APP: variants seen among roughly 807,000 people sequenced by gnomAD.
The protein encoded by APP is amyloid beta precursor protein.
Under a neutral mutation model 101.4 loss-of-function variants are expected in APP, and 31 were observed. The ratio of observed to expected loss-of-function variants is 0.31; its 90% confidence interval spans 0.23 to 0.41. The LOEUF (loss-of-function observed/expected upper bound fraction) is 0.41, where lower values mean the gene tolerates loss of function less well. APP is among the 10% of genes least tolerant of loss of function. The probability of loss-of-function intolerance (pLI) is 1.00; values close to 1 mark genes in which losing one functional copy is unlikely to be tolerated. For synonymous variants in APP, 366 were observed against 364.4 expected, an observed-to-expected ratio of 1.00 and a Z score of -0.05; for missense variants, 839 against 1,003.7, an observed-to-expected ratio of 0.84 and a Z score of 2.22.
At chr21:25,953,222 A>G (rs2041169437) in intron 13 of APP, among the ~76,000 whole-genome samples, 2 of 152,226 alleles carry the variant, frequency 1.3e-5, no homozygotes, top group South Asian at 4.1e-4. Context: ...CCTCCCTGAC[A>G]TATGAAGTTT....
intron 3 of APP, among the ~76,000 whole-genome samples, chr21:26,080,392 A>ATT (rs996734735): frequency 3.4e-4 from 51 of 152,040 alleles, no homozygotes; most frequent in African/African-American, 1.2e-3. Flanking sequence ...GATTCTGCTC[A>ATT]TTTTTTAAGT....
At chr21:25,888,221 G>A (rs904556754) in intron 17 of APP, among the ~76,000 whole-genome samples, 6 of 152,188 alleles carry the variant, frequency 3.9e-5, no homozygotes, top group Admixed American at 3.3e-4. Context: ...GTATTTCCAT[G>A]TACTTGAGGG....
intron 13 of APP, among the ~76,000 whole-genome samples, chr21:25,953,263 T>C (rs2041170914): frequency 6.6e-6 from 1 of 152,196 alleles, no homozygotes; most frequent in Non-Finnish European, 1.5e-5. Flanking sequence ...CAAAGTATAA[T>C]TTCAGATTCC....
chr21:26,149,384 G>A (rs1422885201), intron 1 of APP, among the ~76,000 whole-genome samples: 1 of 152,204 alleles, frequency 6.6e-6, no homozygotes, highest in Non-Finnish European at 1.5e-5. Flanking sequence ...AACAAGGCCT[G>A]GTTCATAGAA....
At chr21:26,073,069 A>G (rs1157532793) in intron 3 of APP, among the ~76,000 whole-genome samples, 1 of 152,210 alleles carries the variant, frequency 6.6e-6, no homozygotes, top group East Asian at 1.9e-4. Flanking sequence ...TGGCCTGGAC[A>G]TAATGACTCA....
intron 17 of APP, among the ~76,000 whole-genome samples, chr21:25,890,760 AAATCT>A (rs2037641766): frequency 6.7e-6 from 1 of 148,234 alleles, no homozygotes; most frequent in Non-Finnish European, 1.5e-5. Context: ...ATATGAGGGG[AAATCT>A]GGACTCTGAG....
Position 26,112,155 on chromosome 21 carries a change from A to G in APP, c.58-9T>C, listed in dbSNP as rs988999274. The stretch of plus-strand genomic sequence containing the variant: ...TTACCATCAGTGGGTACCTGAAAGA[A>G]GAAGCTTCAGTTAGTTATAGTATCC... On this transcript the variant is annotated splice_polypyrimidine_tract_variant and intron_variant, in intron 1 of 17. Coordinates refer to ENST00000346798, the MANE Select transcript of APP (RefSeq NM_000484.4). The G allele has an allele frequency of 6.2e-7, 1 of 1,613,666 alleles. No individual in the cohort carries two copies. The highest frequency in any genetic ancestry group is 8.5e-7 in the Non-Finnish European group (1 of 1,179,906).
intron 15 of APP, among the ~76,000 whole-genome samples, chr21:25,900,202 G>A (rs1048958825): frequency 4.0e-5 from 6 of 151,894 alleles, no homozygotes; most frequent in Non-Finnish European, 8.8e-5. Flanking sequence ...TATATAACCA[G>A]TGATTTCTTT....
Position 25,881,754 on chromosome 21 carries a change from G to A in APP, c.2229C>T (p.Thr743=). The A allele has an allele frequency of 6.2e-7, 1 of 1,613,676 alleles. No individual in the cohort carries two copies. The highest frequency in any genetic ancestry group is 8.5e-7 in the Non-Finnish European group (1 of 1,180,024). Residue 743 remains threonine (T), a synonymous_variant, in exon 18 of 18, where the codon ACC becomes ACT. Transcript: ENST00000346798. ...HGVVEVDAAV[T]PEERHLSKMQ... ...TCTTGGACAGGTGGCGCTCCTCTGG[G>A]GTGACAGCGGCGTCAACCTGAAAAA... is the stretch of plus-strand genomic sequence containing the variant.
intron 3 of APP, among the ~76,000 whole-genome samples, chr21:26,080,266 T>C (rs1304365383): frequency 1.3e-5 from 2 of 152,180 alleles, no homozygotes; most frequent in Non-Finnish European, 2.9e-5. Context: ...GTGAATTCCA[T>C]TATCTCTTGG....
At chr21:26,056,949 C>A (rs2046067080) in intron 3 of APP, among the ~76,000 whole-genome samples, 1 of 152,132 alleles carries the variant, frequency 6.6e-6, no homozygotes, top group South Asian at 2.1e-4. Flanking sequence ...TTTTAATAAG[C>A]GTTAAGAGTG....
At chr21:25,972,855 G>T (rs1421356765) in intron 11 of APP, among the ~76,000 whole-genome samples, 1 of 151,214 alleles carries the variant, frequency 6.6e-6, no homozygotes, top group East Asian at 1.9e-4. Context: ...ACTGTTTAAA[G>T]AAAAACATCA....
intron 11 of APP, among the ~76,000 whole-genome samples, chr21:25,958,780 T>C (rs1162337860): frequency 6.6e-6 from 1 of 152,200 alleles, no homozygotes; most frequent in Admixed American, 6.5e-5. Context: ...CTATAAATCA[T>C]CGACCCCTTT....
At chr21:26,027,547 C>T (rs2044634052) in intron 5 of APP, among the ~76,000 whole-genome samples, 2 of 152,084 alleles carry the variant, frequency 1.3e-5, no homozygotes, top group African/African-American at 2.4e-5. Context: ...CTGTTAGAAG[C>T]GAAACACAAG....
intron 8 of APP, among the ~76,000 whole-genome samples, chr21:25,990,449 T>TAAC (rs1665357635): frequency 6.6e-6 from 1 of 152,064 alleles, no homozygotes; most frequent in Admixed American, 6.6e-5. Flanking sequence ...GCAATAGCAA[T>TAAC]AACTGGCGTC....
Position 26,111,939 on chromosome 21 carries a change from G to C in APP, c.225+40C>G, listed in dbSNP as rs781690085. 3 of 1,610,640 alleles carry C rather than the reference G, an allele frequency of 1.9e-6. No individual in the cohort carries two copies. The South Asian group carries it at 3.3e-5, about 18-fold the overall frequency. On this transcript the variant is annotated intron_variant, in intron 2 of 17. Transcript: ENST00000346798. Reference sequence around the variant, plus strand: ...TTAAATTTTTTGAAAACAAATGCATGTGATCCAACGTGAATTGCTAGCCAC... The same window carrying C: ...TTAAATTTTTTGAAAACAAATGCATCTGATCCAACGTGAATTGCTAGCCAC...
At chr21:25,954,284 G>T (rs1934032795) in intron 13 of APP, among the ~76,000 whole-genome samples, 1 of 152,158 alleles carries the variant, frequency 6.6e-6, no homozygotes, top group Non-Finnish European at 1.5e-5. Context: ...ATCATAATTT[G>T]AGAGCCATAA....
intron 6 of APP, among the ~76,000 whole-genome samples, chr21:26,006,218 T>C (rs970884195): frequency 1.3e-5 from 2 of 152,220 alleles, no homozygotes; most frequent in South Asian, 2.1e-4. Context: ...AAGACTTACA[T>C]GGCTATCTAA....
intron 1 of APP, among the ~76,000 whole-genome samples, chr21:26,164,096 T>C (rs1371743738): frequency 6.6e-6 from 1 of 151,760 alleles, no homozygotes; most frequent in Non-Finnish European, 1.5e-5. Context: ...AATATAAAAA[T>C]TAGCTGGGCA....
Sources: allele counts gnomAD v4.1 joint callset (sites outside exome capture counted in the v4.1 genomes callset), GRCh38; gene constraint gnomAD v4.1.1; transcripts MANE v1.5; gene names NCBI Gene and HGNC (gene_info 2026-07-23, HGNC 2026-07-21).